TLN2: variants seen among roughly 807,000 people sequenced by gnomAD.
TLN2 encodes the protein talin-2.
In TLN2, 118 loss-of-function variants were observed where a neutral mutation model predicts 294.7. The ratio of observed to expected loss-of-function variants is 0.40; its 90% CI spans 0.34 to 0.47. The LOEUF (loss-of-function observed/expected upper bound fraction) is 0.47. Among genes scored for constraint, TLN2 ranks in the 20% least tolerant of loss-of-function variants. The pLI, the probability that TLN2 is intolerant of heterozygous loss-of-function variation, is 0.84. For missense variants in TLN2, 3,083 were observed against 3,282.2 expected (o/e 0.94, Z 1.48); for synonymous variants, 1,431 against 1,304.5 (o/e 1.10, Z -2.09).
At chr15:62,626,180 C>CT (rs2049270793) in intron 3 of TLN2, among the ~76,000 whole-genome samples, 1 of 152,116 alleles carries the variant, frequency 6.6e-6, no homozygotes, top group Admixed American at 6.5e-5. Flanking sequence ...GCATTTGAGG[C>CT]TTTTTAAATT....
intron 45 of TLN2, among the ~76,000 whole-genome samples, chr15:62,786,404 T>A (rs2064661129): frequency 6.6e-6 from 1 of 152,200 alleles, no homozygotes; most frequent in Non-Finnish European, 1.5e-5. Flanking sequence ...ATCTGCTTAT[T>A]TTTCATGGAA....
chr15:62,519,230 G>C (rs2040336097), intron 1 of TLN2, among the ~76,000 whole-genome samples: 1 of 152,160 alleles, frequency 6.6e-6, no homozygotes, highest in Non-Finnish European at 1.5e-5. Context: ...TTATATAAAA[G>C]GTAGACATTT....
intron 21 of TLN2, 39 bp downstream of exon 21, chr15:62,708,835 T>A: frequency 6.4e-7 from 1 of 1,564,708 alleles, no homozygotes; most frequent in Non-Finnish European, 8.6e-7. Context: ...TGGGTGGCTT[T>A]TGATGTTCCT....
intron 1 of TLN2, among the ~76,000 whole-genome samples, chr15:62,479,341 A>G (rs1313106319): frequency 3.9e-5 from 6 of 152,200 alleles, no homozygotes; most frequent in Non-Finnish European, 7.3e-5. Flanking sequence ...TTTCAGAGCT[A>G]TGCCCTTAGA....
chr15:62,758,076 T>C (rs2062418673), intron 37 of TLN2, among the ~76,000 whole-genome samples: 1 of 152,234 alleles, frequency 6.6e-6, no homozygotes, highest in Non-Finnish European at 1.5e-5. Context: ...TTAAGTTTTA[T>C]GCTGCTTAGT....
Position 62,518,062 on chromosome 15 carries a change from T to C in TLN2, c.-237-71625T>C, listed in dbSNP as rs963305563. On this transcript the variant is annotated intron_variant, in intron 1 of 58. Transcript: ENST00000636159. ...AGCAGCAGTTTTTTTTTTTTTGAGA[T>C]TGAGTCTCACTCTGTCGCCAGGCTA... 2.0e-5 allele frequency among the ~76,000 whole-genome samples: 3 copies of C among 151,740 alleles called. No homozygotes were observed. The South Asian group carries it at 6.2e-4, about 32-fold the overall frequency.
intron 1 of TLN2, among the ~76,000 whole-genome samples, chr15:62,393,289 GAA>G (rs771857241): frequency 3.3e-5 from 5 of 152,172 alleles, no homozygotes; most frequent in Non-Finnish European, 5.9e-5. Context: ...CCTCGAAAGA[GAA>G]AGCGAACTTT....
In TLN2 at chr15:62,653,284, T is replaced by A. The variant is rs1379715489; in HGVS notation, c.487T>A (p.Leu163Met). 1.2e-6 allele frequency: 2 copies of A among 1,613,266 alleles called. No homozygotes were observed. The highest frequency in any genetic ancestry group is 3.3e-5 in the Admixed American group (2 of 59,924). The change falls in exon 7 of 59, where the codon TTG becomes ATG. Residue 163 changes from leucine to methionine, a missense_variant. Leu to Met is a conservative substitution (Grantham distance 15). Coordinates refer to ENST00000636159, the MANE Select transcript of TLN2 (RefSeq NM_015059.3). ...LLRDERKMEK[L>M]KAKLHTDDDL... is the part of the protein sequence containing the mutation. ...ACGAGATGAGAGGAAAATGGAGAAG[T>A]TGAAGGCCAAGCTGCACACAGATGA...
chr15:62,740,834 G>C, intron 32 of TLN2, 65 bp downstream of exon 32: 1 of 1,594,982 alleles, frequency 6.3e-7, no homozygotes. Context: ...CTGAAGATGT[G>C]CCTGACATCC....
intron 13 of TLN2, 151 bp downstream of exon 13, chr15:62,693,092 G>A: frequency 1.7e-6 from 1 of 597,724 alleles, no homozygotes. Context: ...CACTTCGGGA[G>A]GCTGAGATAG....
At chr15:62,773,465 C>G (rs542500000) in intron 42 of TLN2, among the ~76,000 whole-genome samples, 29 of 152,120 alleles carry the variant, frequency 1.9e-4, no homozygotes, top group Non-Finnish European at 3.2e-4. Context: ...TCAACCTGCT[C>G]TCTTTCTGCA....
chr15:62,761,185 C>T (rs2062641240), intron 37 of TLN2, among the ~76,000 whole-genome samples: 1 of 152,158 alleles, frequency 6.6e-6, no homozygotes, highest in Non-Finnish European at 1.5e-5. Flanking sequence ...TGCCTTGCCT[C>T]CATCAGTCAT....
intron 7 of TLN2, 90 bp downstream of exon 7, chr15:62,653,404 C>A: frequency 7.1e-7 from 1 of 1,409,174 alleles, no homozygotes; most frequent in Non-Finnish European, 9.3e-7. Flanking sequence ...CAGGACAGGA[C>A]TTTTGATTTT....
At chr15:62,580,769 A>G (rs536414150) in intron 1 of TLN2, among the ~76,000 whole-genome samples, 1 of 151,974 alleles carries the variant, frequency 6.6e-6, no homozygotes, top group South Asian at 2.1e-4. Context: ...AATGATACAC[A>G]TCCACCTTTA....
intron 52 of TLN2, among the ~76,000 whole-genome samples, chr15:62,816,973 T>TG (rs1427564059): frequency 2.0e-5 from 3 of 152,222 alleles, no homozygotes; most frequent in Non-Finnish European, 4.4e-5. Flanking sequence ...TAAAAAATTC[T>TG]TATGCCCAGG....
intron 1 of TLN2, among the ~76,000 whole-genome samples, chr15:62,530,359 C>A (rs946938018): frequency 6.6e-6 from 1 of 152,068 alleles, no homozygotes; most frequent in East Asian, 1.9e-4. Context: ...TGTATTCATT[C>A]ATTCATTCAT....
chr15:62,644,489 C>G (rs1205198190), intron 3 of TLN2: 1 of 456,034 alleles, frequency 2.2e-6, no homozygotes, highest in Admixed American at 2.3e-5. Flanking sequence ...TTCCACCTCT[C>G]CACTGAATAC....
At chr15:62,671,959 C>A (rs2055482897) in intron 9 of TLN2, among the ~76,000 whole-genome samples, 1 of 152,024 alleles carries the variant, frequency 6.6e-6, no homozygotes, top group African/African-American at 2.4e-5. Context: ...CTAGGTGGTG[C>A]TGTATACTTC....
At chr15:62,391,929 G>C (rs1009108990) in intron 1 of TLN2, among the ~76,000 whole-genome samples, 1 of 152,270 alleles carries the variant, frequency 6.6e-6, no homozygotes, top group Non-Finnish European at 1.5e-5. Context: ...GCCGAGTGTA[G>C]AGCGTTCTCC....
Sources: allele counts gnomAD v4.1 joint callset (sites outside exome capture counted in the v4.1 genomes callset), GRCh38; gene constraint gnomAD v4.1.1; transcripts MANE v1.5; gene names NCBI Gene and HGNC (gene_info 2026-07-23, HGNC 2026-07-21).